The following FGGY variants were observed in gnomAD, a reference collection of about 807,000 sequenced individuals.
The protein encoded by FGGY is FGGY carbohydrate kinase domain containing.
In FGGY, 72 loss-of-function variants were observed where a neutral mutation model predicts 71.3. That is an observed-to-expected ratio of 1.01 (90% CI 0.84 to 1.23). The LOEUF is 1.23. Ranked by LOEUF, FGGY falls within the 50% of genes most tolerant of loss-of-function variation. The probability of loss-of-function intolerance (pLI) is 0.00; values close to 1 mark genes in which losing one functional copy is unlikely to be tolerated. For missense variants in FGGY, 668 were observed against 682.3 expected (o/e 0.98, Z 0.23); for synonymous variants, 251 against 250.3 (o/e 1.00, Z -0.02).
intron 9 of FGGY, among the ~76,000 whole-genome samples, chr1:59,615,271 A>G (rs2096739122): frequency 6.6e-6 from 1 of 152,234 alleles, no homozygotes; most frequent in African/African-American, 2.4e-5. Flanking sequence ...TACAGCAACC[A>G]AAACAGCATG....
chr1:59,688,061 C>A (rs1469117704), intron 14 of FGGY, among the ~76,000 whole-genome samples: 1 of 152,166 alleles, frequency 6.6e-6, no homozygotes, highest in South Asian at 2.1e-4. Flanking sequence ...ATGAATACTG[C>A]CTATACACCC....
rs868118463 is a variant in FGGY at position 59,434,455 on chromosome 1, C to T, written c.555-22506C>T. Reference sequence around the variant, plus strand: ...GCCTGCAGAGGCAGGACACACTTAACACTCTGGCAGATATGCGACAAGACA... The same window carrying T: ...GCCTGCAGAGGCAGGACACACTTAATACTCTGGCAGATATGCGACAAGACA... On this transcript the variant is annotated intron_variant, in intron 5 of 15. Transcript: ENST00000303721. Among the ~76,000 whole-genome samples, 97 of 152,354 alleles carry T rather than the reference C, an allele frequency of 6.4e-4. No individual in the cohort carries two copies. In the Middle Eastern group the frequency reaches 0.02, roughly 32 times the overall value.
At chr1:59,689,942 G>A (rs574062051) in intron 14 of FGGY, among the ~76,000 whole-genome samples, 2 of 152,240 alleles carry the variant, frequency 1.3e-5, no homozygotes, top group South Asian at 2.1e-4. Context: ...TAGAGTTGAC[G>A]GCAGTGAAAT....
chr1:59,630,939 C>T lies in FGGY; in HGVS notation c.1073+4890C>T, dbSNP rs554611530. 2.0e-5 allele frequency among the ~76,000 whole-genome samples: 3 copies of T among 152,306 alleles called. No homozygotes were observed. In the East Asian group the frequency reaches 5.8e-4, roughly 29 times the overall value. On this transcript the variant is annotated intron_variant, in intron 10 of 15. Transcript: ENST00000303721. ...TCGCCTGTACTCTTGGTCTCTACTT[C>T]TCCACTTCCTACTCCTTCCTTGCCC...
intron 5 of FGGY, among the ~76,000 whole-genome samples, chr1:59,402,108 T>A (rs988759119): frequency 6.6e-6 from 1 of 152,118 alleles, no homozygotes; most frequent in South Asian, 2.1e-4. Flanking sequence ...AGCTAATGAG[T>A]TGGATATGTA....
At chr1:59,511,133 A>G (rs933634818) in intron 6 of FGGY, among the ~76,000 whole-genome samples, 12 of 152,080 alleles carry the variant, frequency 7.9e-5, no homozygotes, top group African/African-American at 2.2e-4. Context: ...TTCATATTCA[A>G]TTGTAGATAG....
At chr1:59,441,066 G>A (rs930590437) in intron 5 of FGGY, among the ~76,000 whole-genome samples, 8 of 152,012 alleles carry the variant, frequency 5.3e-5, no homozygotes, top group Non-Finnish European at 1.2e-4. Flanking sequence ...AGCCTTTTGT[G>A]CTCCCATAAA....
At position 59,417,110 on chromosome 1, in the gene FGGY, G is replaced by A. The variant is rs142550080; in HGVS notation, c.554+38273G>A. ...CAAAAGAAATCTCATATCCGTAGCAGTAAGTCCTCATATCCCTCTACACCT... is the reference window on the plus strand; with the variant it reads ...CAAAAGAAATCTCATATCCGTAGCAATAAGTCCTCATATCCCTCTACACCT... On this transcript the variant is annotated intron_variant, in intron 5 of 15. Coordinates refer to ENST00000303721, the MANE Select transcript of FGGY (RefSeq NM_018291.5). Among the ~76,000 whole-genome samples, 306 of 152,218 alleles carry A rather than the reference G, an allele frequency of 2.0e-3. 1 individual carries two copies. The highest frequency in any genetic ancestry group is 3.5e-3 in the Non-Finnish European group (238 of 68,010).
At chr1:59,632,970 A>G (rs1410691345) in intron 10 of FGGY, among the ~76,000 whole-genome samples, 1 of 151,510 alleles carries the variant, frequency 6.6e-6, no homozygotes, top group Non-Finnish European at 1.5e-5. Context: ...AAGATTTCTT[A>G]CAGAAATTAG....
At chr1:59,405,448 C>T (rs145584382) in intron 5 of FGGY, among the ~76,000 whole-genome samples, 1,912 of 152,234 alleles carry the variant, frequency 0.013, 20 homozygotes, top group Non-Finnish European at 0.018. Context: ...TAGATTTGTA[C>T]ATAGAAAACA....
At chr1:59,676,497 A>G (rs1431834560) in intron 14 of FGGY, among the ~76,000 whole-genome samples, 1 of 151,508 alleles carries the variant, frequency 6.6e-6, no homozygotes, top group Non-Finnish European at 1.5e-5. Context: ...TATACTAGAT[A>G]CATCATACCA....
intron 6 of FGGY, among the ~76,000 whole-genome samples, chr1:59,468,895 G>A (rs1049622568): frequency 1.3e-5 from 2 of 148,420 alleles, no homozygotes; most frequent in Non-Finnish European, 3.0e-5. Flanking sequence ...AAAAAAAAAG[G>A]ATCTTGACTA....
chr1:59,584,323 G>C (rs746609028), intron 8 of FGGY, among the ~76,000 whole-genome samples: 1 of 149,932 alleles, frequency 6.7e-6, no homozygotes, highest in Non-Finnish European at 1.5e-5. Context: ...TATCCACCAT[G>C]ATCAAGTGGG....
At chr1:59,313,162 C>T (rs2044686202) in intron 1 of FGGY, among the ~76,000 whole-genome samples, 1 of 152,150 alleles carries the variant, frequency 6.6e-6, no homozygotes, top group African/African-American at 2.4e-5. Context: ...GGGCAAGAGT[C>T]TTCCTTGGGC....
At chr1:59,587,807 C>G (rs1038971789) in intron 8 of FGGY, among the ~76,000 whole-genome samples, 1 of 152,104 alleles carries the variant, frequency 6.6e-6, no homozygotes, top group Non-Finnish European at 1.5e-5. Flanking sequence ...ACGTCGCCAT[C>G]ATCAAAGACC....
rs2153980135 is a variant in FGGY, at chr1:59,674,274, C to G, written c.1512+141C>G. 1.0e-5 allele frequency: 6 copies of G among 573,278 alleles called. No individual in the cohort carries two copies. The East Asian group carries it at 1.8e-4, about 17-fold the overall frequency. The allele number at this position is 573,278 out of a possible 1,614,324, so 35.5% of individuals were successfully genotyped here. A position where few individuals can be genotyped will look rare whatever the true frequency, so the allele number is the denominator to read the frequency against. On this transcript the variant is annotated intron_variant, in intron 14 of 15. Coordinates refer to ENST00000303721, the MANE Select transcript of FGGY (RefSeq NM_018291.5). ...GTTCCAGCCAGGGAAAGCACAAACACTTCTAGCCTCAGACATATTTATTGC... is the reference window on the plus strand; with the variant it reads ...GTTCCAGCCAGGGAAAGCACAAACAGTTCTAGCCTCAGACATATTTATTGC...
intron 14 of FGGY, among the ~76,000 whole-genome samples, chr1:59,751,753 G>A (rs1318895631): frequency 6.6e-6 from 1 of 152,150 alleles, no homozygotes; most frequent in African/African-American, 2.4e-5. Context: ...CTTACAATAT[G>A]AGGAGCTAGT....
intron 5 of FGGY, among the ~76,000 whole-genome samples, chr1:59,454,546 A>T (rs1325102190): frequency 6.6e-6 from 1 of 152,202 alleles, no homozygotes; most frequent in Non-Finnish European, 1.5e-5. Flanking sequence ...CATGTAAAAA[A>T]ATCATTAATG....
At chr1:59,614,472 T>G (rs975395936) in intron 9 of FGGY, among the ~76,000 whole-genome samples, 8 of 152,152 alleles carry the variant, frequency 5.3e-5, no homozygotes, top group African/African-American at 1.9e-4. Context: ...AAACTCTCAA[T>G]AAATTAGGTA....
Sources: gnomAD v4.1 joint callset for allele counts (sites outside exome capture counted in the v4.1 genomes callset) on GRCh38, gnomAD v4.1.1 for gene constraint, MANE v1.5 for transcripts, NCBI Gene and HGNC (gene_info 2026-07-23, HGNC 2026-07-21) for gene names.